The following PCNT variants were observed in gnomAD, a reference collection of about 807,000 sequenced individuals.
The protein encoded by PCNT is pericentrin, also known as kendrin.
A neutral mutation model predicts 380.4 loss-of-function variants in PCNT; 319 were observed. The ratio of observed to expected loss-of-function variants is 0.84; its 90% CI spans 0.77 to 0.92. The LOEUF (loss-of-function observed/expected upper bound fraction) is 0.92. Among genes scored for constraint, PCNT ranks in the 40% least tolerant of loss-of-function variants. The pLI, the probability that PCNT is intolerant of heterozygous loss-of-function variation, is 0.00. For missense variants in PCNT, 4,400 were observed against 4,255.3 expected (o/e 1.03, Z -0.95); for synonymous variants, 1,845 against 1,735.2 (o/e 1.06, Z -1.57).
At chr21:46,375,638 G>T (rs1023700856) in intron 15 of PCNT, among the ~76,000 whole-genome samples, 1 of 152,184 alleles carries the variant, frequency 6.6e-6, no homozygotes, top group African/African-American at 2.4e-5. Context: ...GGCTGAGGAC[G>T]CACGCTTCTG....
rs1298723225 is a variant in PCNT, at chr21:46,346,797, A to G, written c.775A>G (p.Thr259Ala). Residue 259 changes from threonine to alanine, a missense_variant, in exon 5 of 47, where the codon ACG becomes GCG. Physicochemically the swap from Thr to Ala is moderately conservative, Grantham distance 58. Transcript: ENST00000359568. ...GCGCCTGAGTCTGAGCAACATGCAC[A>G]CGGCGCAGCTGGAGCTGACACAGGC... ...ALRLSLSNMH[T>A]AQLELTQANL... is the part of the protein sequence containing the mutation. 3 of 1,600,850 alleles carry G rather than the reference A, an allele frequency of 1.9e-6. No individual in the cohort carries two copies. The highest frequency in any genetic ancestry group is 1.7e-4 in the Middle Eastern group (1 of 5,908).
rs773276429 is a variant in PCNT at position 46,324,222 on chromosome 21, G to A, written c.-7G>A. ...CCGCCGGGCGGCCCGCGCGGAGTCT[G>A]AGGGAGATGGAAGTTGAGCAAGAGC... On this transcript the variant is annotated 5_prime_UTR_variant, in exon 1 of 47. Transcript: ENST00000359568. 4.3e-6 allele frequency: 7 copies of A among 1,610,658 alleles called. No individual in the cohort carries two copies. The South Asian group carries it at 7.7e-5, about 18-fold the overall frequency.
chr21:46,353,366 A>C, intron 10 of PCNT, 40 bp downstream of exon 10: 3 of 1,534,596 alleles, frequency 2.0e-6, no homozygotes, highest in Non-Finnish European at 2.7e-6. Flanking sequence ...TTTCTGCCAT[A>C]CAGGGGCCAG....
At chr21:46,372,080 C>T (rs1342342222) in intron 15 of PCNT, among the ~76,000 whole-genome samples, 1 of 149,364 alleles carries the variant, frequency 6.7e-6, no homozygotes, top group African/African-American at 2.5e-5. Context: ...GCACACAGCA[C>T]ATGCGCACAC....
intron 19 of PCNT, among the ~76,000 whole-genome samples, chr21:46,389,875 T>C (rs2085972253): frequency 6.6e-6 from 1 of 152,234 alleles, no homozygotes; most frequent in Admixed American, 6.5e-5. Context: ...TTCAGCCTAC[T>C]TCAGCCCACG....
In PCNT at chr21:46,431,910, C is replaced by T. The variant is rs1237538193; in HGVS notation, c.8446C>T (p.Leu2816=). 2 of 1,613,978 alleles carry T rather than the reference C, an allele frequency of 1.2e-6. No homozygotes were observed. Among genetic ancestry groups the T allele is most frequent in the Non-Finnish European group, 8.5e-7 (1 of 1,180,048 alleles). Residue 2816 remains leucine (L), a synonymous_variant, in exon 38 of 47, where the codon CTG becomes TTG. Transcript: ENST00000359568. ...GCTTGAAAAGGTGCAGCAGCAAGCC[C>T]TGCATTCTCAGCAGCAGCTTGAGGC... ...AMLEKVQQQA[L]HSQQQLEAEA... is the part of the protein sequence containing the mutation.
In PCNT at chr21:46,398,139, G is replaced by A. The variant is rs750949882; in HGVS notation, c.4563+9G>A. ...GCCCTCGCGACAGCCAGGTGAGTCAGTGCAGCGTGCAGTGCTGCTGGTTGC... is the reference window on the plus strand; with the variant it reads ...GCCCTCGCGACAGCCAGGTGAGTCAATGCAGCGTGCAGTGCTGCTGGTTGC... On this transcript the variant is annotated intron_variant, in intron 23 of 46. Transcript: ENST00000359568. 6.2e-7 allele frequency: 1 copy of A among 1,605,424 alleles called. No homozygotes were observed.
At chr21:46,365,097 C>CA (rs2084852291) in intron 14 of PCNT, among the ~76,000 whole-genome samples, 1 of 152,368 alleles carries the variant, frequency 6.6e-6, no homozygotes, top group Admixed American at 6.5e-5. Context: ...CTCCTTAATT[C>CA]ACTGCCACGG....
Position 46,411,853 on chromosome 21 carries a change from C to T in PCNT, c.5780C>T (p.Ala1927Val). ...CTGCAGTGGCTCCGAGCGCAGTGTG[C>T]CCGCCTCAGCCGCCAGCTGCAGGTG... is the stretch of plus-strand genomic sequence containing the variant. ...PELQWLRAQC[A>V]RLSRQLQVLH... is the part of the protein sequence containing the mutation. Residue 1927 changes from alanine (A) to valine (V), a missense_variant, in exon 28 of 47, where the codon GCC becomes GTC. By Grantham distance (64) the Ala-to-Val change is moderately conservative. Coordinates refer to ENST00000359568, the MANE Select transcript of PCNT (RefSeq NM_006031.6). 1 of 1,559,252 alleles carries T rather than the reference C, an allele frequency of 6.4e-7. No individual in the cohort carries two copies. Among genetic ancestry groups the T allele is most frequent in the Non-Finnish European group, 8.6e-7 (1 of 1,158,970 alleles).
At chr21:46,381,199 TGTGTGTGTGTGTGTGTGTGTG>T in intron 15 of PCNT, among the ~76,000 whole-genome samples, 1 of 158 alleles carries the variant, frequency 6.3e-3, no homozygotes, top group South Asian at 0.25. Context: ...AAAATCTCTG[TGTGTGTGTGTGTGTGTGTGTG>T]TGTGTGTGTG....
chr21:46,405,254 G>A (rs2086589279), intron 27 of PCNT, among the ~76,000 whole-genome samples: 1 of 152,308 alleles, frequency 6.6e-6, no homozygotes, highest in African/African-American at 2.4e-5. Flanking sequence ...TTTTGGAGGG[G>A]ACCATAGAAG....
At chr21:46,412,131 C>A in intron 28 of PCNT, 64 bp downstream of exon 28, 3 of 1,547,844 alleles carry the variant, frequency 1.9e-6, no homozygotes, top group Non-Finnish European at 2.6e-6. Context: ...CCTTTGATGT[C>A]AATGACTTCT....
chr21:46,343,386 A>G (rs1161917812), intron 3 of PCNT, among the ~76,000 whole-genome samples: 1 of 152,264 alleles, frequency 6.6e-6, no homozygotes, highest in East Asian at 1.9e-4. Context: ...ATCTATTGAG[A>G]TGATCATATG....
At chr21:46,370,873 A>C (rs935079542) in intron 15 of PCNT, among the ~76,000 whole-genome samples, 1 of 152,166 alleles carries the variant, frequency 6.6e-6, no homozygotes, top group Non-Finnish European at 1.5e-5. Context: ...GTTTCTACTA[A>C]AAATACAAAA....
intron 27 of PCNT, among the ~76,000 whole-genome samples, chr21:46,405,437 C>T (rs1331513959): frequency 6.6e-6 from 1 of 152,226 alleles, no homozygotes; most frequent in African/African-American, 2.4e-5. Context: ...GTGGCTCACG[C>T]CTGTAATCCC....
chr21:46,440,022 C>T, intron 41 of PCNT, 61 bp from the exon 42 acceptor site: 4 of 1,602,566 alleles, frequency 2.5e-6, no homozygotes, highest in Non-Finnish European at 3.4e-6. Flanking sequence ...CCGGCTGCGT[C>T]TCTAAGATGC....
rs2186350 is a variant in PCNT at position 46,397,039 on chromosome 21, G to A, written c.4217-226G>A. 0.67 allele frequency among the ~76,000 whole-genome samples: 101,806 copies of A among 151,974 alleles called. 34,799 individuals are homozygous for A. The highest frequency in any genetic ancestry group is 0.79 in the African/African-American group (32,852 of 41,448). On this transcript the variant is annotated intron_variant, in intron 21 of 46. Coordinates refer to ENST00000359568, the MANE Select transcript of PCNT (RefSeq NM_006031.6). ...TTCTGTCTGGGAGACTGTACTGAAGGCAGAATTCCTAGAGAATCACCCACA... is the reference window on the plus strand; with the variant it reads ...TTCTGTCTGGGAGACTGTACTGAAGACAGAATTCCTAGAGAATCACCCACA...
intron 15 of PCNT, among the ~76,000 whole-genome samples, chr21:46,371,214 CTTT>C (rs924903931): frequency 1.2e-4 from 17 of 136,796 alleles, no homozygotes; most frequent in South Asian, 2.4e-4. Flanking sequence ...TTCTTTCTTT[CTTT>C]TTTTTTTTTT....
rs958753051 is a variant in PCNT, at chr21:46,324,527, C to T, written c.54+245C>T. ...CAATCAGCGGCCGGGACGCGCGGCG[C>T]CTCTCGGGCGGGCCGGGGCGGGGCT... On this transcript the variant is annotated intron_variant, in intron 1 of 46. Coordinates refer to ENST00000359568, the MANE Select transcript of PCNT (RefSeq NM_006031.6). Among the ~76,000 whole-genome samples, 13 of 146,276 alleles carry T rather than the reference C, an allele frequency of 8.9e-5. 1 individual carries two copies. The highest frequency in any genetic ancestry group is 8.1e-4 in the Admixed American group (12 of 14,794).
Sources: gnomAD v4.1 joint callset for allele counts (sites outside exome capture counted in the v4.1 genomes callset) on GRCh38, gnomAD v4.1.1 for gene constraint, MANE v1.5 for transcripts, NCBI Gene and HGNC (gene_info 2026-07-23, HGNC 2026-07-21) for gene names.